The following SYT11 variants were observed in gnomAD, a reference collection of about 807,000 sequenced individuals.
SYT11 encodes the protein synaptotagmin-11.
Under a neutral mutation model 30.4 loss-of-function variants are expected in SYT11, and 12 were observed. The observed-to-expected ratio is 0.39, with a 90% CI of 0.25 to 0.64. SYT11 has a LOEUF of 0.64. SYT11 is among the 30% of genes least tolerant of loss of function. The pLI is 0.45. For missense variants in SYT11, 412 were observed against 552.0 expected, an observed-to-expected ratio of 0.75 and a Z score of 2.54; for synonymous variants, 204 against 216.0, an observed-to-expected ratio of 0.94 and a Z score of 0.49.
intron 1 of SYT11, among the ~76,000 whole-genome samples, chr1:155,863,580 A>C (rs1484428108): frequency 1.3e-5 from 2 of 152,150 alleles, no homozygotes; most frequent in Non-Finnish European, 2.9e-5. Context: ...TGAGCCCAGG[A>C]GTTCAAGACC....
At chr1:155,873,861 AT>A (rs1433219347) in intron 2 of SYT11, among the ~76,000 whole-genome samples, 1 of 152,180 alleles carries the variant, frequency 6.6e-6, no homozygotes, top group African/African-American at 2.4e-5. Flanking sequence ...AATCCATTCA[AT>A]TTTCTTTTCC....
chr1:155,880,748 G>A (rs1672946997), intron 3 of SYT11, 125 bp downstream of exon 3: 2 of 1,166,146 alleles, frequency 1.7e-6, no homozygotes, highest in East Asian at 4.8e-5. Context: ...TCCTCTTTCT[G>A]TAGACATTCT....
intron 2 of SYT11, among the ~76,000 whole-genome samples, chr1:155,872,235 A>G (rs1359780053): frequency 1.3e-5 from 2 of 152,178 alleles, no homozygotes; most frequent in Non-Finnish European, 2.9e-5. Flanking sequence ...ACTGGGCAAC[A>G]GATCATGTAT....
chr1:155,868,358 A>C lies in SYT11; in HGVS notation c.428A>C (p.Glu143Ala), dbSNP rs936000613. 4.3e-6 allele frequency: 7 copies of C among 1,613,872 alleles called. No homozygotes were observed. The African/African-American group carries it at 9.4e-5, about 22-fold the overall frequency. The part of the protein sequence containing the change: ...RSPITSLTPG[E>A]SKTTSPSSPE... ...CCTATTACAAGCCTGACCCCTGGGG[A>C]GAGCAAAACCACCTCTCCATCATCT... Residue 143 changes from glutamate (E) to alanine (A), a missense_variant, in exon 2 of 4, where the codon GAG becomes GCG. Glu to Ala is a moderately radical substitution (Grantham distance 107). Coordinates refer to ENST00000368324, the MANE Select transcript of SYT11 (RefSeq NM_152280.5). This position sits in a 1 kb window ranked among gnomAD's most constrained non-coding sequence, Gnocchi z 4.7.
intron 1 of SYT11, among the ~76,000 whole-genome samples, chr1:155,864,614 CTCA>C (rs1223655853): frequency 6.6e-6 from 1 of 151,864 alleles, no homozygotes; most frequent in Non-Finnish European, 1.5e-5. Flanking sequence ...TCATTTTTGA[CTCA>C]TCAAGTGAGG....
chr1:155,874,039 G>A (rs1425245872), intron 2 of SYT11, among the ~76,000 whole-genome samples: 2 of 151,890 alleles, frequency 1.3e-5, no homozygotes, highest in Non-Finnish European at 2.9e-5. Context: ...GGTGGCTCAC[G>A]CCTATAATTC....
chr1:155,879,644 G>A (rs1362357052), intron 2 of SYT11, among the ~76,000 whole-genome samples: 1 of 152,170 alleles, frequency 6.6e-6, no homozygotes. Flanking sequence ...TGGTGAGTAA[G>A]TGGCAAGGTT....
At chr1:155,874,478 T>TGTGACAGAGCGAGACTTCATCTCAAAAA (rs1553226161) in intron 2 of SYT11, among the ~76,000 whole-genome samples, 27 of 151,592 alleles carry the variant, frequency 1.8e-4, no homozygotes, top group Non-Finnish European at 2.7e-4. Flanking sequence ...CACATGCCTG[T>TGTGACAGAGCGAGACTTCATCTCAAAAA]AGTCCCATCT....
chr1:155,861,440 T>A (rs181953610), intron 1 of SYT11, among the ~76,000 whole-genome samples: 17 of 152,354 alleles, frequency 1.1e-4, no homozygotes, highest in African/African-American at 4.1e-4. Context: ...AGAGGGACTA[T>A]TATTGGGAAA....
At chr1:155,880,691 T>C (rs1672946026) in intron 3 of SYT11, 68 bp downstream of exon 3, 5 of 1,583,458 alleles carry the variant, frequency 3.2e-6, no homozygotes, top group Non-Finnish European at 3.5e-6. Flanking sequence ...GTGGCCCAGA[T>C]AGACCTCCAC....
intron 2 of SYT11, among the ~76,000 whole-genome samples, chr1:155,870,535 A>G (rs969410470): frequency 6.6e-6 from 1 of 152,242 alleles, no homozygotes; most frequent in African/African-American, 2.4e-5. Flanking sequence ...ACAACTGCAC[A>G]TCTCCCAGAA....
rs968818507 is a variant in SYT11, at chr1:155,873,269, T to G, written c.861+4478T>G. ...GGTGAAACCCCGTTTCTACTAAAAA[T>G]ACAAAAATTAGCTGGGCGTGGTGGC... On this transcript the variant is annotated intron_variant, in intron 2 of 3. Coordinates refer to ENST00000368324, the MANE Select transcript of SYT11 (RefSeq NM_152280.5). Among the ~76,000 whole-genome samples, 11 of 151,932 alleles carry G rather than the reference T, an allele frequency of 7.2e-5. 1 individual carries two copies.
intron 2 of SYT11, among the ~76,000 whole-genome samples, chr1:155,875,096 T>C (rs1672840345): frequency 7.1e-6 from 1 of 141,764 alleles, no homozygotes; most frequent in Admixed American, 7.1e-5. Flanking sequence ...TTACTAAAAA[T>C]ACAAAAATTA....
chr1:155,877,636 C>T (rs71628695), intron 2 of SYT11, among the ~76,000 whole-genome samples: 6,435 of 151,278 alleles, frequency 0.043, 186 homozygotes, highest in Non-Finnish European at 0.058. Context: ...TCACTGCAAG[C>T]TCCGCCTCCC....
At chr1:155,879,056 A>G (rs1345023995) in intron 2 of SYT11, among the ~76,000 whole-genome samples, 12 of 152,088 alleles carry the variant, frequency 7.9e-5, no homozygotes, top group Admixed American at 7.9e-4. Flanking sequence ...GGGAGCAACA[A>G]CTGAGTCCCA....
intron 1 of SYT11, among the ~76,000 whole-genome samples, chr1:155,864,937 C>G (rs1348254173): frequency 6.6e-6 from 1 of 152,088 alleles, no homozygotes; most frequent in African/African-American, 2.4e-5. Context: ...TCTCGAACTC[C>G]TGACCTCAGG....
rs1557947518 is a variant in SYT11 at position 155,868,669 on chromosome 1, C to G, written c.739C>G (p.Leu247Val). 1.2e-6 allele frequency: 2 copies of G among 1,614,214 alleles called. No homozygotes were observed. Among genetic ancestry groups the G allele is most frequent in the African/African-American group, 1.3e-5 (1 of 75,058 alleles). The change falls in exon 2 of 4, where the codon CTC (leucine) becomes GTC (valine). Residue 247 changes from leucine to valine, a missense_variant. Transcript: ENST00000368324. This position sits in a 1 kb window ranked among gnomAD's most constrained non-coding sequence, Gnocchi z 4.7. Reference sequence around the variant, plus strand: ...GGACCTGGTGCTGCACTTCCTTGTCCTCAGCTTTGACCGCTTCTCTCGGGA... The same window carrying G: ...GGACCTGGTGCTGCACTTCCTTGTCGTCAGCTTTGACCGCTTCTCTCGGGA... ...LQDLVLHFLV[L>V]SFDRFSRDDV...
In SYT11 at chr1:155,860,436, AC is replaced by A. The variant is rs2102550999; in HGVS notation, c.34+643del. Among the ~76,000 whole-genome samples the A allele has an allele frequency of 6.6e-6, 1 of 152,328 alleles. No individual in the cohort carries two copies. Among genetic ancestry groups the A allele is most frequent in the East Asian group, 1.9e-4 (1 of 5,174 alleles). On this transcript the variant is annotated intron_variant, in intron 1 of 3. Coordinates refer to ENST00000368324, the MANE Select transcript of SYT11 (RefSeq NM_152280.5). This position sits in a 1 kb window ranked among gnomAD's most constrained non-coding sequence, Gnocchi z 4.1. Reference sequence around the variant, plus strand: ...GTAATGGTGGGGTCCCTCCGATGCTACCAAATGGCGCTTGGCGCTGCTGGGC... The same window carrying A: ...GTAATGGTGGGGTCCCTCCGATGCTACAAATGGCGCTTGGCGCTGCTGGGC...
At chr1:155,879,744 A>G (rs1451413923) in intron 2 of SYT11, among the ~76,000 whole-genome samples, 1 of 152,246 alleles carries the variant, frequency 6.6e-6, no homozygotes, top group African/African-American at 2.4e-5. Flanking sequence ...GCACTTCTAT[A>G]GTGCGCACTA....
Sources: allele counts gnomAD v4.1 joint callset (sites outside exome capture counted in the v4.1 genomes callset), GRCh38; gene constraint gnomAD v4.1.1; non-coding constraint Gnocchi (gnomAD v3.1); transcripts MANE v1.5; gene names NCBI Gene and HGNC (gene_info 2026-07-23, HGNC 2026-07-21).